CDK13: variants seen among roughly 807,000 people sequenced by gnomAD.
The protein encoded by CDK13 is cyclin-dependent kinase 13.
A neutral mutation model predicts 137.6 loss-of-function variants in CDK13; 40 were observed. That is an observed-to-expected ratio of 0.29 (90% CI 0.23 to 0.38). The LOEUF (loss-of-function observed/expected upper bound fraction) is 0.38, where lower values mean the gene tolerates loss of function less well. Ranked by LOEUF, CDK13 falls within the 10% of genes least tolerant of loss-of-function variation. The pLI, the probability that CDK13 is intolerant of heterozygous loss-of-function variation, is 1.00. For synonymous variants in CDK13, 869 were observed against 760.1 expected (o/e 1.14, Z -2.36); for missense variants, 1,704 against 1,951.8 (o/e 0.87, Z 2.39).
chr7:39,994,514 C>A (rs113194946), intron 2 of CDK13, among the ~76,000 whole-genome samples: 1 of 152,036 alleles, frequency 6.6e-6, no homozygotes, highest in African/African-American at 2.4e-5. Flanking sequence ...ACTCAAATTT[C>A]TATTTTAGGG....
At chr7:40,030,233 ATG>A (rs58098442) in intron 5 of CDK13, among the ~76,000 whole-genome samples, 139,929 of 144,070 alleles carry the variant, frequency 0.97, 67,997 homozygotes, top group South Asian at 0.99. Flanking sequence ...ATATATATAT[ATG>A]TGTGTGTGTG....
At chr7:39,960,031 A>G (rs28492942) in intron 1 of CDK13, among the ~76,000 whole-genome samples, 1 of 147,898 alleles carries the variant, frequency 6.8e-6, no homozygotes, top group Admixed American at 6.7e-5. Context: ...TAGTACTTTT[A>G]TCTCTTCATA....
chr7:40,031,232 G>A (rs948930666), intron 5 of CDK13, among the ~76,000 whole-genome samples: 1 of 152,254 alleles, frequency 6.6e-6, no homozygotes, highest in East Asian at 1.9e-4. Context: ...GATGAAATAT[G>A]ATGTTAAGGC....
chr7:40,035,546 A>G (rs552547107), intron 5 of CDK13, among the ~76,000 whole-genome samples: 155 of 152,160 alleles, frequency 1.0e-3, no homozygotes, highest in African/African-American at 3.4e-3. Context: ...CAAGGGATCT[A>G]GGTTGTGTAC....
chr7:39,950,277 A>C lies in CDK13; in HGVS notation c.-365A>C, dbSNP rs1057350292. ...TGGTACTTCCGCGTTGCGCTGCCCG[A>C]GCCGAGAGCGCGGCCAAGGCCGCTC... On this transcript the variant is annotated 5_prime_UTR_variant, in exon 1 of 14. Coordinates refer to ENST00000181839, the MANE Select transcript of CDK13 (RefSeq NM_003718.5). The C allele has an allele frequency of 9.5e-7, 1 of 1,058,094 alleles. No homozygotes were observed. The highest frequency in any genetic ancestry group is 5.5e-5 in the Admixed American group (1 of 18,258). 65.5% of individuals were successfully genotyped at this position (1,058,094 alleles called of 1,614,324 possible). A position where few individuals can be genotyped will look rare whatever the true frequency, so the allele number is the denominator to read the frequency against.
intron 5 of CDK13, among the ~76,000 whole-genome samples, chr7:40,011,793 C>T (rs946563866): frequency 6.6e-6 from 1 of 152,136 alleles, no homozygotes; most frequent in Non-Finnish European, 1.5e-5. Flanking sequence ...AATTGAACTT[C>T]ATCAAAATTA....
At chr7:39,961,362 CA>C (rs1353529928) in intron 1 of CDK13, among the ~76,000 whole-genome samples, 1 of 151,976 alleles carries the variant, frequency 6.6e-6, no homozygotes, top group Non-Finnish European at 1.5e-5. Flanking sequence ...CTGTCTCAAA[CA>C]AAAAAACTAC....
chr7:40,059,914 A>G (rs1240876360), intron 7 of CDK13, among the ~76,000 whole-genome samples: 3 of 152,136 alleles, frequency 2.0e-5, no homozygotes, highest in Admixed American at 6.5e-5. Context: ...TTGTCTCAGT[A>G]TTTTGCCTAG....
intron 5 of CDK13, among the ~76,000 whole-genome samples, chr7:40,021,004 T>C (rs1423265279): frequency 2.6e-5 from 4 of 151,704 alleles, no homozygotes; most frequent in Non-Finnish European, 5.9e-5. Context: ...GGCAGGAGAA[T>C]CACTTGAACG....
intron 2 of CDK13, among the ~76,000 whole-genome samples, chr7:39,989,789 T>C (rs867775944): frequency 1.3e-5 from 2 of 151,678 alleles, no homozygotes; most frequent in South Asian, 2.1e-4. Context: ...TTATCCTTTT[T>C]TTTTTTTTTT....
At chr7:40,068,729 AAAG>A (rs1417109546) in intron 9 of CDK13, among the ~76,000 whole-genome samples, 9 of 150,874 alleles carry the variant, frequency 6.0e-5, no homozygotes, top group African/African-American at 2.2e-4. Flanking sequence ...AAAAAAAAAA[AAAG>A]GAAACAGTTG....
At chr7:40,019,221 A>G (rs1007915518) in intron 5 of CDK13, among the ~76,000 whole-genome samples, 1 of 152,214 alleles carries the variant, frequency 6.6e-6, no homozygotes, top group Non-Finnish European at 1.5e-5. Flanking sequence ...CTTAATGGGT[A>G]CATACCTATG....
intron 7 of CDK13, chr7:40,049,256 A>AGAG (rs1785825430): frequency 6.8e-6 from 1 of 148,132 alleles, no homozygotes; most frequent in Non-Finnish European, 1.5e-5. Flanking sequence ...AGACAGAGAG[A>AGAG]GAGAAAGGAA....
At chr7:40,016,854 G>T (rs1025088683) in intron 5 of CDK13, among the ~76,000 whole-genome samples, 1 of 151,842 alleles carries the variant, frequency 6.6e-6, no homozygotes, top group African/African-American at 2.4e-5. Flanking sequence ...TTTCTCGTTT[G>T]TTTTTTTAGA....
chr7:40,045,155 G>T (rs539515648), intron 5 of CDK13, among the ~76,000 whole-genome samples: 1 of 152,084 alleles, frequency 6.6e-6, no homozygotes, highest in African/African-American at 2.4e-5. Context: ...CAAATGTAAT[G>T]AATTATATTT....
chr7:40,041,126 G>T (rs1162177640), intron 5 of CDK13, among the ~76,000 whole-genome samples: 1 of 152,188 alleles, frequency 6.6e-6, no homozygotes, highest in Non-Finnish European at 1.5e-5. Flanking sequence ...AGGAGTTCAA[G>T]ACCAGCCTGG....
intron 5 of CDK13, among the ~76,000 whole-genome samples, chr7:40,035,232 T>C (rs985362255): frequency 6.6e-6 from 1 of 152,152 alleles, no homozygotes; most frequent in African/African-American, 2.4e-5. Flanking sequence ...TATGAAGCAA[T>C]ATAAAAATGT....
intron 7 of CDK13, chr7:40,061,547 C>T (rs1786149358): frequency 6.6e-6 from 1 of 152,186 alleles, no homozygotes; most frequent in Non-Finnish European, 1.5e-5. Flanking sequence ...CTTAACAAGA[C>T]TGGTCCAGGA....
chr7:40,090,789 T>C (rs927036068), intron 12 of CDK13, among the ~76,000 whole-genome samples: 2 of 152,206 alleles, frequency 1.3e-5, no homozygotes, highest in African/African-American at 4.8e-5. Flanking sequence ...GAAAGATTGC[T>C]TGAGCCTAGG....
Sources: gnomAD v4.1 joint callset for allele counts (sites outside exome capture counted in the v4.1 genomes callset) on GRCh38, gnomAD v4.1.1 for gene constraint, MANE v1.5 for transcripts, NCBI Gene and HGNC (gene_info 2026-07-23, HGNC 2026-07-21) for gene names.